Variants in CYP24A1 observed in about 807,000 individuals in gnomAD.
CYP24A1 encodes the protein cytochrome P450 family 24 subfamily A member 1, also known as 1,25-dihydroxyvitamin D(3) 24-hydroxylase, mitochondrial.
A neutral mutation model predicts 62.4 loss-of-function variants in CYP24A1; 68 were observed. That is an observed-to-expected ratio of 1.09 (90% CI 0.90 to 1.33). The LOEUF (loss-of-function observed/expected upper bound fraction) is 1.33. CYP24A1 is among the 40% of genes most tolerant of loss of function. The probability of loss-of-function intolerance (pLI) is 0.00; values close to 1 mark genes in which losing one functional copy is unlikely to be tolerated. For missense variants in CYP24A1, 787 were observed against 653.0 expected (o/e 1.21, Z -2.24); for synonymous variants, 267 against 253.0 (o/e 1.06, Z -0.52).
chr20:54,161,647 GCC>G (rs998121073), intron 7 of CYP24A1, among the ~76,000 whole-genome samples: 86 of 151,848 alleles, frequency 5.7e-4, no homozygotes, highest in Non-Finnish European at 5.9e-5. Context: ...CTAAGCCATT[GCC>G]CTCAGAGAGG....
At chr20:54,149,812 A>G (rs1486738961), downstream of CYP24A1, among the ~76,000 whole-genome samples, 3 of 152,226 alleles carry the variant, frequency 2.0e-5, no homozygotes, top group African/African-American at 7.2e-5. Context: ...ATGAGAAACG[A>G]GATCCACCTC....
intron 7 of CYP24A1, among the ~76,000 whole-genome samples, chr20:54,162,353 G>C (rs117614151): frequency 0.032 from 4,749 of 149,516 alleles, 114 homozygotes; most frequent in South Asian, 0.098. Context: ...ATCTTGCCAG[G>C]GCAGAGAACT....
At chr20:54,172,669 C>T (rs954249621) in intron 2 of CYP24A1, 115 of 851,606 alleles carry the variant, frequency 1.4e-4, no homozygotes, top group Non-Finnish European at 1.8e-4. Context: ...GAGGGTGTGG[C>T]CCTGCCCTGT....
intron 7 of CYP24A1, among the ~76,000 whole-genome samples, chr20:54,162,187 A>G (rs1312415502): frequency 1.4e-5 from 2 of 144,760 alleles, no homozygotes; most frequent in African/African-American, 5.1e-5. Context: ...TTCTAAGCAG[A>G]TAAAAATATT....
At chr20:54,146,161 T>C in the CYP24A1 span, among the ~76,000 whole-genome samples, 1 of 152,226 alleles carries the variant, frequency 6.6e-6, no homozygotes, top group African/African-American at 2.4e-5. Context: ...TCAATGTAAG[T>C]TATTCTTATT....
chr20:54,164,744 C>T (rs374986352), intron 5 of CYP24A1, among the ~76,000 whole-genome samples, 181 bp from the exon 6 acceptor site: 2 of 151,956 alleles, frequency 1.3e-5, no homozygotes, highest in African/African-American at 2.4e-5. Context: ...CCCACCTCCA[C>T]CTCCTTTCAA....
intron 4 of CYP24A1, among the ~76,000 whole-genome samples, chr20:54,168,759 T>TCTCCCTCCTTCCTTCCTTCCCTCC (rs2092681811): frequency 8.9e-6 from 1 of 112,250 alleles, no homozygotes; most frequent in African/African-American, 3.6e-5. Context: ...TCCTTCCTTC[T>TCTCCCTCCTTCCTTCCTTCCCTCC]CTCCCTCCTT....
At chr20:54,148,381 C>G in the CYP24A1 span, among the ~76,000 whole-genome samples, 1 of 150,590 alleles carries the variant, frequency 6.6e-6, no homozygotes, top group Non-Finnish European at 1.5e-5. Flanking sequence ...CACACACACA[C>G]ACACACACAC....
At chr20:54,166,738 A>G (rs1478645652) in intron 4 of CYP24A1, among the ~76,000 whole-genome samples, 2 of 151,934 alleles carry the variant, frequency 1.3e-5, no homozygotes, top group South Asian at 2.1e-4. Context: ...TTTTTTTAAA[A>G]AAAGGACACA....
chr20:54,145,826 T>C, the CYP24A1 span, among the ~76,000 whole-genome samples: 3 of 152,174 alleles, frequency 2.0e-5, no homozygotes, highest in African/African-American at 7.2e-5. Flanking sequence ...TCCGCCACAC[T>C]TAAAGGGAGG....
chr20:54,156,922 T>C (rs747811850), intron 11 of CYP24A1, among the ~76,000 whole-genome samples: 2 of 152,226 alleles, frequency 1.3e-5, no homozygotes, highest in Admixed American at 6.5e-5. Context: ...GAACACTTAA[T>C]TGATGCCAGG....
At chr20:54,150,431 T>G (rs1260049938), downstream of CYP24A1, among the ~76,000 whole-genome samples, 2 of 152,074 alleles carry the variant, frequency 1.3e-5, no homozygotes, top group African/African-American at 4.8e-5. Flanking sequence ...CCCCCCAGGT[T>G]CAAGCAATTC....
At chr20:54,159,291 C>T (rs911958256) in intron 7 of CYP24A1, among the ~76,000 whole-genome samples, 168 bp from the exon 8 acceptor site, 4 of 152,082 alleles carry the variant, frequency 2.6e-5, no homozygotes, top group African/African-American at 9.6e-5. Flanking sequence ...TATAAAAAAG[C>T]AGACTTATTT....
chr20:54,159,107 ATTAGACTG>A lies in CYP24A1; in HGVS notation c.999_1006del (p.Ser334ValfsTer9), dbSNP rs770055617. 79 of 1,613,796 alleles carry A rather than the reference ATTAGACTG, an allele frequency of 4.9e-5. No individual in the cohort carries two copies. The highest frequency in any genetic ancestry group is 6.7e-5 in the Admixed American group (4 of 60,004). On this transcript the variant is annotated frameshift_variant, in exon 8 of 12. Transcript: ENST00000216862. LOFTEE classifies it high-confidence loss of function. ...ACGGGATAAATTGTAGAGAATCCAC[ATTAGACTG>A]TTTGCTGTCTGCAAGCCAAATGGAC...
At chr20:54,152,183 C>T (rs2092613649), downstream of CYP24A1, among the ~76,000 whole-genome samples, 1 of 152,192 alleles carries the variant, frequency 6.6e-6, no homozygotes, top group African/African-American at 2.4e-5. Context: ...CAGCCTTCTT[C>T]AAAGACTACC....
At chr20:54,149,509 A>G (rs2092609341), downstream of CYP24A1, among the ~76,000 whole-genome samples, 1 of 152,108 alleles carries the variant, frequency 6.6e-6, no homozygotes. Flanking sequence ...TTTTTTTGAG[A>G]GAGAGGAAGG....
chr20:54,145,381 T>C, the CYP24A1 span, among the ~76,000 whole-genome samples: 16 of 152,184 alleles, frequency 1.1e-4, no homozygotes, highest in Admixed American at 1.3e-4. Flanking sequence ...TCTATATTTC[T>C]GATCCAGCTA....
chr20:54,153,185 G>A (rs927649), downstream of CYP24A1, among the ~76,000 whole-genome samples: 6,654 of 152,192 alleles, frequency 0.044, 175 homozygotes, highest in South Asian at 0.12. Flanking sequence ...ACCAGTGTGT[G>A]ACTGATTGTG....
rs575579994 is a variant in CYP24A1, at chr20:54,169,613, G to T, written c.619C>A (p.Leu207Met). The change falls in exon 4 of 12, where the codon CTG becomes ATG. Residue 207 changes from leucine to methionine, a missense_variant. By Grantham distance (15) the Leu-to-Met change is conservative. Coordinates refer to ENST00000216862, the MANE Select transcript of CYP24A1 (RefSeq NM_000782.5). ...TTACTTTCAAACGACCATTTGTTCA[G>T]TTCGCTGTACAAGTCTTCAACGTGG... is the stretch of plus-strand genomic sequence containing the variant. ...RGHVEDLYSE[L>M]NKWSFESICL... 18 of 1,614,054 alleles carry T rather than the reference G, an allele frequency of 1.1e-5. No individual in the cohort carries two copies. The highest frequency in any genetic ancestry group is 3.3e-5 in the Admixed American group (2 of 60,006).
Sources: gnomAD v4.1 joint callset for allele counts (sites outside exome capture counted in the v4.1 genomes callset) on GRCh38, gnomAD v4.1.1 for gene constraint, MANE v1.5 for transcripts, NCBI Gene and HGNC (gene_info 2026-07-23, HGNC 2026-07-21) for gene names.